Variants in SMIM41 observed in about 807,000 individuals in gnomAD.
SMIM41 encodes the protein small integral membrane protein 41.
intron 1 of SMIM41, among the ~76,000 whole-genome samples, chr12:52,080,529 C>T (rs1225223801): frequency 1.3e-5 from 2 of 152,182 alleles, no homozygotes; most frequent in African/African-American, 4.8e-5. Flanking sequence ...AGGAGAGAGT[C>T]TGGAGGCCAC....
chr12:52,091,747 A>C (rs147756901), intron 2 of SMIM41, among the ~76,000 whole-genome samples: 45 of 152,356 alleles, frequency 3.0e-4, no homozygotes, highest in African/African-American at 1.1e-3. Context: ...ACTTTCTCAA[A>C]CAAAAATGTA....
rs1487752871 is a variant in SMIM41, at chr12:52,079,983, G to GC, written c.205dup (p.Leu69ProfsTer127). 5.3e-6 allele frequency: 2 copies of GC among 380,940 alleles called. No homozygotes were observed. Among genetic ancestry groups the GC allele is most frequent in the African/African-American group, 4.2e-5 (2 of 47,806 alleles). The allele number at this position is 380,940 out of a possible 1,614,324, so 23.6% of individuals were successfully genotyped here. ...TCCGCGCCCAGGGCCTGACAGCGCT[G>GC]CTGACCCGCGAGCAGCGCGCGTCCC... On this transcript the variant is annotated frameshift_variant, in exon 1 of 3. Transcript: ENST00000546390. LOFTEE classifies it high-confidence loss of function.
Position 52,108,212 on chromosome 12 carries a change from G to T in SMIM41, c.*1029G>T. 1 of 188,782 alleles carries T rather than the reference G, an allele frequency of 5.3e-6. No individual in the cohort carries two copies. The highest frequency in any genetic ancestry group is 1.5e-4 in the East Asian group (1 of 6,718). The allele number at this position is 188,782 out of a possible 1,614,324, so 11.7% of individuals were successfully genotyped here. A position where few individuals can be genotyped will look rare whatever the true frequency, so the allele number is the denominator to read the frequency against. ...TGCTCAACCCCTTTATCTACAGCCT[G>T]GGAAACAGGGATATTAAAAGTGTCT... On this transcript the variant is annotated 3_prime_UTR_variant, in exon 3 of 3. Transcript: ENST00000546390.
At chr12:52,096,854 G>T (rs969439658) in intron 2 of SMIM41, among the ~76,000 whole-genome samples, 4 of 151,922 alleles carry the variant, frequency 2.6e-5, no homozygotes, top group Admixed American at 6.6e-5. Flanking sequence ...ACACCCCCCT[G>T]TGATGTTGTT....
chr12:52,107,657 C>T lies in SMIM41; in HGVS notation c.*474C>T. Reference sequence around the variant, plus strand: ...AGTCTCTCTTTGCCATTTTTGGAGGCACGGAAGAGAGACATGCTCCTGAGT... The same window carrying T: ...AGTCTCTCTTTGCCATTTTTGGAGGTACGGAAGAGAGACATGCTCCTGAGT... On this transcript the variant is annotated 3_prime_UTR_variant, in exon 3 of 3. Coordinates refer to ENST00000546390, the MANE Select transcript of SMIM41 (RefSeq NM_001369216.1). 1.9e-6 allele frequency: 1 copy of T among 539,752 alleles called. No individual in the cohort carries two copies. The highest frequency in any genetic ancestry group is 3.6e-6 in the Non-Finnish European group (1 of 277,260). 33.4% of individuals were successfully genotyped at this position (539,752 alleles called of 1,614,324 possible). A position where few individuals can be genotyped will look rare whatever the true frequency, so the allele number is the denominator to read the frequency against.
At chr12:52,090,545 C>G (rs986616870) in intron 2 of SMIM41, among the ~76,000 whole-genome samples, 5 of 152,136 alleles carry the variant, frequency 3.3e-5, no homozygotes, top group South Asian at 4.1e-4. Context: ...CAGGGAGCTG[C>G]GGCTGCGGTG....
chr12:52,087,106 C>T (rs1939905158), intron 2 of SMIM41, among the ~76,000 whole-genome samples: 1 of 152,210 alleles, frequency 6.6e-6, no homozygotes, highest in Non-Finnish European at 1.5e-5. Context: ...CTGTCCCTCC[C>T]ACCTCCCAAC....
chr12:52,100,459 CTTTTTT>C (rs560412492), intron 2 of SMIM41, among the ~76,000 whole-genome samples: 17 of 143,752 alleles, frequency 1.2e-4, no homozygotes, highest in African/African-American at 4.1e-4. Flanking sequence ...TATTTTCTTT[CTTTTTT>C]TTTTTTTTGA....
chr12:52,090,152 C>A (rs1253971854), intron 2 of SMIM41, among the ~76,000 whole-genome samples: 1 of 152,134 alleles, frequency 6.6e-6, no homozygotes, highest in East Asian at 1.9e-4. Flanking sequence ...CTCACTACAA[C>A]CTCCACCTCC....
At chr12:52,091,062 A>C (rs1169659638) in intron 2 of SMIM41, among the ~76,000 whole-genome samples, 2 of 152,142 alleles carry the variant, frequency 1.3e-5, no homozygotes, top group Admixed American at 1.3e-4. Context: ...ACCAGGCTGG[A>C]GTGCAGTGGC....
chr12:52,080,967 G>A (rs767541892), intron 1 of SMIM41, among the ~76,000 whole-genome samples: 25 of 152,166 alleles, frequency 1.6e-4, no homozygotes, highest in African/African-American at 2.2e-4. Flanking sequence ...AGGGTTCCCC[G>A]CAGCTGGGGG....
intron 2 of SMIM41, chr12:52,092,791 A>T (rs1249832950): frequency 6.6e-6 from 1 of 152,232 alleles, no homozygotes; most frequent in Non-Finnish European, 1.5e-5. Flanking sequence ...AATTAATTTT[A>T]TTCCCAAGGA....
At chr12:52,105,822 A>C (rs188945011) in intron 2 of SMIM41, among the ~76,000 whole-genome samples, 180 of 152,332 alleles carry the variant, frequency 1.2e-3, no homozygotes, top group African/African-American at 3.9e-3. Context: ...CATGAAGTAT[A>C]GTATCTGGGA....
chr12:52,102,031 G>T (rs1393753595), intron 2 of SMIM41, among the ~76,000 whole-genome samples: 1 of 152,080 alleles, frequency 6.6e-6, no homozygotes, highest in Non-Finnish European at 1.5e-5. Context: ...ATCTTTATCT[G>T]TTGTCTCTTG....
rs1939789361 is a variant in SMIM41 at position 52,079,706 on chromosome 12, C to CGCCG, written c.-70_-67dup. On this transcript the variant is annotated 5_prime_UTR_variant, in exon 1 of 3. Coordinates refer to ENST00000546390, the MANE Select transcript of SMIM41 (RefSeq NM_001369216.1). ...CCCTTGGTTCCCTCCCCGACGCAGC[C>CGCCG]GCCGGCCCGCCCGCCAGTCTGGGCT... 2 of 388,370 alleles carry CGCCG rather than the reference C, an allele frequency of 5.1e-6. No homozygotes were observed. Among genetic ancestry groups the CGCCG allele is most frequent in the African/African-American group, 4.2e-5 (2 of 48,140 alleles). The allele number at this position is 388,370 out of a possible 1,614,324, so 24.1% of individuals were successfully genotyped here.
intron 2 of SMIM41, among the ~76,000 whole-genome samples, chr12:52,098,205 C>T (rs1940137256): frequency 6.6e-6 from 1 of 152,034 alleles, no homozygotes; most frequent in African/African-American, 2.4e-5. Flanking sequence ...GGGACAATAT[C>T]ACAGGGGTAG....
At chr12:52,104,483 C>G (rs1416471182) in intron 2 of SMIM41, among the ~76,000 whole-genome samples, 5 of 152,114 alleles carry the variant, frequency 3.3e-5, no homozygotes, top group African/African-American at 1.2e-4. Context: ...GGACAGTGGA[C>G]TTGTTCTCCG....
chr12:52,096,532 TTAA>T, intron 2 of SMIM41, among the ~76,000 whole-genome samples: 1 of 151,934 alleles, frequency 6.6e-6, no homozygotes, highest in East Asian at 1.9e-4. Flanking sequence ...AGTACCAATA[TTAA>T]TATTAAGAAA....
chr12:52,095,281 C>G (rs574324504), intron 2 of SMIM41, among the ~76,000 whole-genome samples: 5 of 151,820 alleles, frequency 3.3e-5, no homozygotes, highest in South Asian at 2.1e-4. Context: ...CATCTCCCCC[C>G]TCTCCCCCAC....
Sources: gnomAD v4.1 joint callset for allele counts (sites outside exome capture counted in the v4.1 genomes callset) on GRCh38, gnomAD v4.1.1 for gene constraint, MANE v1.5 for transcripts, NCBI Gene and HGNC (gene_info 2026-07-23, HGNC 2026-07-21) for gene names.